Variants in NRXN1 observed in about 807,000 individuals in gnomAD.
NRXN1 encodes neurexin-1.
Under a neutral mutation model 150.9 loss-of-function variants are expected in NRXN1, and 39 were observed. The ratio of observed to expected loss-of-function variants is 0.26; its 90% CI spans 0.20 to 0.34. The LOEUF is 0.34. Ranked by LOEUF, NRXN1 falls within the 10% of genes least tolerant of loss-of-function variation. The pLI is 1.00. For missense variants in NRXN1, 1,815 were observed against 1,949.9 expected, an observed-to-expected ratio of 0.93 and a Z score of 1.30; for synonymous variants, 924 against 757.0, an observed-to-expected ratio of 1.22 and a Z score of -3.62.
intron 22 of NRXN1, among the ~76,000 whole-genome samples, chr2:49,941,573 A>C (rs1671979961): frequency 6.6e-6 from 1 of 152,160 alleles, no homozygotes; most frequent in Admixed American, 6.5e-5. Flanking sequence ...ACTGTGATTC[A>C]CTAGGTACTC....
chr2:50,537,061 T>A (rs1226198217), intron 10 of NRXN1, among the ~76,000 whole-genome samples: 1 of 152,194 alleles, frequency 6.6e-6, no homozygotes, highest in Non-Finnish European at 1.5e-5. Flanking sequence ...AATATTAATC[T>A]CAGAACTAAT....
intron 22 of NRXN1, among the ~76,000 whole-genome samples, chr2:49,930,429 A>G (rs1293270178): frequency 6.6e-6 from 1 of 152,226 alleles, no homozygotes; most frequent in Non-Finnish European, 1.5e-5. Flanking sequence ...TAACAGAAGT[A>G]TGGAGAAAAC....
intron 21 of NRXN1, among the ~76,000 whole-genome samples, chr2:50,050,956 G>T (rs924553211): frequency 6.6e-6 from 1 of 151,830 alleles, no homozygotes; most frequent in Non-Finnish European, 1.5e-5. Context: ...TTATTACAAA[G>T]CTAACAATTT....
chr2:50,001,298 A>G (rs1271271145), intron 21 of NRXN1, among the ~76,000 whole-genome samples: 5 of 152,140 alleles, frequency 3.3e-5, no homozygotes, highest in Non-Finnish European at 7.4e-5. Flanking sequence ...TGCTCAATAA[A>G]TAGTATTTAT....
intron 19 of NRXN1, among the ~76,000 whole-genome samples, chr2:50,066,188 T>A (rs370134605): frequency 6.6e-6 from 1 of 152,184 alleles, no homozygotes; most frequent in Non-Finnish European, 1.5e-5. Flanking sequence ...CTCAATAAAG[T>A]CAATATATAA....
At chr2:50,568,674 C>A (rs1313793684) in intron 8 of NRXN1, among the ~76,000 whole-genome samples, 2 of 152,024 alleles carry the variant, frequency 1.3e-5, no homozygotes, top group Non-Finnish European at 2.9e-5. Flanking sequence ...AAAAGGGAAA[C>A]CCTTGTACAC....
At chr2:49,929,550 G>T (rs541280033) in intron 22 of NRXN1, among the ~76,000 whole-genome samples, 1 of 151,972 alleles carries the variant, frequency 6.6e-6, no homozygotes, top group Non-Finnish European at 1.5e-5. Context: ...ACTCCAATTT[G>T]TCTTCCATAT....
intron 5 of NRXN1, among the ~76,000 whole-genome samples, chr2:50,861,219 G>A (rs1461329404): frequency 1.3e-5 from 2 of 151,996 alleles, no homozygotes; most frequent in Non-Finnish European, 2.9e-5. Context: ...AGGAAGTGCA[G>A]ATCTTATTAT....
At chr2:50,795,713 G>T (rs1474562953) in intron 5 of NRXN1, among the ~76,000 whole-genome samples, 1 of 152,184 alleles carries the variant, frequency 6.6e-6, no homozygotes, top group Middle Eastern at 3.4e-3. Flanking sequence ...GAACTGCTCA[G>T]TACTTATGAA....
intron 21 of NRXN1, among the ~76,000 whole-genome samples, chr2:50,051,486 T>A (rs1207873477): frequency 1.3e-5 from 2 of 152,098 alleles, no homozygotes; most frequent in African/African-American, 4.8e-5. Flanking sequence ...TCTATCAATT[T>A]ATTTGTTTCA....
At chr2:50,968,015 G>A (rs1196470173) in intron 2 of NRXN1, among the ~76,000 whole-genome samples, 1 of 151,892 alleles carries the variant, frequency 6.6e-6, no homozygotes, top group Non-Finnish European at 1.5e-5. Flanking sequence ...TAGGATATGG[G>A]ATAATGCTAA....
At chr2:50,903,741 G>C (rs1016620244) in intron 5 of NRXN1, among the ~76,000 whole-genome samples, 1 of 152,164 alleles carries the variant, frequency 6.6e-6, no homozygotes, top group African/African-American at 2.4e-5. Flanking sequence ...GTTGGCAAAA[G>C]CCAGAGAGAG....
chr2:50,320,331 A>G (rs561335033), intron 17 of NRXN1, among the ~76,000 whole-genome samples: 3 of 74,210 alleles, frequency 4.0e-5, no homozygotes, highest in African/African-American at 1.4e-4. Context: ...TATATATAGT[A>G]TATGATTAGC....
chr2:50,832,116 A>G (rs1671492150), intron 5 of NRXN1, among the ~76,000 whole-genome samples: 1 of 152,242 alleles, frequency 6.6e-6, no homozygotes, highest in African/African-American at 2.4e-5. Flanking sequence ...GAGAAAATCA[A>G]TGCCAGCAGA....
intron 5 of NRXN1, chr2:50,624,806 A>G (rs1680716933): frequency 6.6e-6 from 1 of 151,972 alleles, no homozygotes; most frequent in Non-Finnish European, 1.5e-5. Flanking sequence ...CTTATTCTTT[A>G]CCAGATTTAG....
chr2:50,561,451 T>G (rs1389372886), intron 8 of NRXN1, among the ~76,000 whole-genome samples: 3 of 152,190 alleles, frequency 2.0e-5, no homozygotes. Flanking sequence ...TATTTTCAGA[T>G]GAGGAAACTG....
At chr2:50,080,564 T>C (rs1697806298) in intron 19 of NRXN1, among the ~76,000 whole-genome samples, 1 of 152,158 alleles carries the variant, frequency 6.6e-6, no homozygotes, top group Non-Finnish European at 1.5e-5. Context: ...GAGAGACCTT[T>C]CCAAATGAAA....
At chr2:50,062,396 T>A (rs2152647702) in intron 19 of NRXN1, among the ~76,000 whole-genome samples, 1 of 152,262 alleles carries the variant, frequency 6.6e-6, no homozygotes, top group Admixed American at 6.5e-5. Flanking sequence ...AAGCCCTCAC[T>A]AGAAATGGAA....
chr2:50,268,623 T>C (rs1342457849), intron 17 of NRXN1, among the ~76,000 whole-genome samples: 1 of 152,178 alleles, frequency 6.6e-6, no homozygotes, highest in African/African-American at 2.4e-5. Flanking sequence ...ATTCCTTCCT[T>C]TTCTGAATCC....
Sources: allele counts gnomAD v4.1 joint callset (sites outside exome capture counted in the v4.1 genomes callset), GRCh38; gene constraint gnomAD v4.1.1; transcripts MANE v1.5; gene names NCBI Gene and HGNC (gene_info 2026-07-23, HGNC 2026-07-21).